Variants in NT5DC4 observed in about 807,000 individuals in gnomAD.
NT5DC4 encodes 5'-nucleotidase domain-containing protein 4.
Under a neutral mutation model 26.6 loss-of-function variants are expected in NT5DC4, and 44 were observed. The observed-to-expected ratio is 1.65, with a 90% CI of 1.30 to 2.13. The LOEUF (loss-of-function observed/expected upper bound fraction) is 2.13. Among genes scored for constraint, NT5DC4 ranks in the 30% most tolerant of loss-of-function variants. NT5DC4 has a pLI of 0.00. For synonymous variants in NT5DC4, 157 were observed against 86.7 expected, an observed-to-expected ratio of 1.81 and a Z score of -4.51; for missense variants, 399 against 228.1, an observed-to-expected ratio of 1.75 and a Z score of -4.83.
chr2:112,719,831 CT>C (rs971346326), upstream of NT5DC4, among the ~76,000 whole-genome samples: 45 of 95,196 alleles, frequency 4.7e-4, no homozygotes, highest in African/African-American at 1.1e-3. Context: ...CTTTCCCTTC[CT>C]TCCTTCCTTC....
chr2:112,741,143 G>C, downstream of NT5DC4: 2 of 661,004 alleles, frequency 3.0e-6, no homozygotes, highest in Non-Finnish European at 5.2e-6. Flanking sequence ...AATAGTGATT[G>C]ATTTGAAGTG....
intron 16 of NT5DC4, among the ~76,000 whole-genome samples, chr2:112,734,934 C>T (rs1173110665): frequency 6.6e-6 from 1 of 152,064 alleles, no homozygotes. Flanking sequence ...AAGTGATCTG[C>T]TCACCTCGGC....
chr2:112,724,146 G>T lies in NT5DC4; in HGVS notation c.789+20G>T. 4.2e-6 allele frequency: 3 copies of T among 716,732 alleles called. No homozygotes were observed. Among genetic ancestry groups the T allele is most frequent in the Non-Finnish European group, 7.8e-6 (3 of 384,896 alleles). 44.4% of individuals were successfully genotyped at this position (716,732 alleles called of 1,614,324 possible). ...AGTGAGGTGAGTGTTGGAGTGTTGC[G>T]TGCACGGCTGGGGTGGGCTGTGCAA... is the stretch of plus-strand genomic sequence containing the variant. On this transcript the variant is annotated intron_variant, in intron 10 of 16. Coordinates refer to ENST00000688554, the MANE Select transcript of NT5DC4 (RefSeq NM_001393655.1).
chr2:112,734,183 G>A (rs1177824375), intron 16 of NT5DC4, among the ~76,000 whole-genome samples: 4 of 151,920 alleles, frequency 2.6e-5, no homozygotes, highest in East Asian at 3.9e-4. Context: ...GTGTGTGTGT[G>A]TGTGTGTGTG....
chr2:112,736,868 C>T (rs1679255952), intron 16 of NT5DC4: 1 of 152,086 alleles, frequency 6.6e-6, no homozygotes, highest in South Asian at 2.1e-4. Context: ...CACATCTTGG[C>T]TATTGAGAAT....
chr2:112,722,525 C>G lies in NT5DC4; in HGVS notation c.405C>G (p.Ser135Arg). The G allele has an allele frequency of 1.4e-6, 1 of 717,444 alleles. No homozygotes were observed. Among genetic ancestry groups the G allele is most frequent in the Admixed American group, 2.0e-5 (1 of 50,022 alleles). The allele number at this position is 717,444 out of a possible 1,614,324, so 44.4% of individuals were successfully genotyped here. ...CAGAGATCTGGAGCTTCTACCCCAGCAAGTTCATTCAGAGGGACGACCTGC... is the reference window on the plus strand; with the variant it reads ...CAGAGATCTGGAGCTTCTACCCCAGGAAGTTCATTCAGAGGGACGACCTGC... ...LRAEIWSFYP[S>R]KFIQRDDLQC... Residue 135 changes from serine (S) to arginine (R), a missense_variant, in exon 5 of 17, where the codon AGC becomes AGG. Physicochemically the swap from Ser to Arg is moderately radical, Grantham distance 110 (BLOSUM62 -1). Coordinates refer to ENST00000688554, the MANE Select transcript of NT5DC4 (RefSeq NM_001393655.1).
Position 112,724,152 on chromosome 2 carries a change from G to A in NT5DC4, c.789+26G>A, listed in dbSNP as rs550280301. 633 of 717,032 alleles carry A rather than the reference G, an allele frequency of 8.8e-4. 3 individuals are homozygous for A. In the African/African-American group the frequency reaches 9.4e-3, roughly 11 times the overall value. 44.4% of individuals were successfully genotyped at this position (717,032 alleles called of 1,614,324 possible). The stretch of plus-strand genomic sequence containing the variant: ...GTGAGTGTTGGAGTGTTGCGTGCAC[G>A]GCTGGGGTGGGCTGTGCAAAGGGCC... On this transcript the variant is annotated intron_variant, in intron 10 of 16. Transcript: ENST00000688554.
chr2:112,741,875 C>T (rs1679990651), downstream of NT5DC4, among the ~76,000 whole-genome samples: 1 of 151,622 alleles, frequency 6.6e-6, no homozygotes, highest in Admixed American at 6.6e-5. Flanking sequence ...ATTCTCCTGC[C>T]TCAGCCTCCT....
chr2:112,724,678 G>C, intron 10 of NT5DC4, 103 bp from the exon 11 acceptor site: 1 of 673,122 alleles, frequency 1.5e-6, no homozygotes, highest in Non-Finnish European at 2.8e-6. Flanking sequence ...GTCTCATCCA[G>C]CTGGGAGGTT....
intron 16 of NT5DC4, chr2:112,736,995 T>C (rs1409730050): frequency 6.6e-6 from 1 of 152,148 alleles, no homozygotes; most frequent in Admixed American, 6.5e-5. Context: ...GACGCAATTT[T>C]GGCTCACTGC....
chr2:112,724,557 C>G (rs374049694), intron 10 of NT5DC4: 1 of 588,328 alleles, frequency 1.7e-6, no homozygotes, highest in East Asian at 2.8e-5. Context: ...TGGCCTGAGG[C>G]TGCACATGAT....
At chr2:112,738,054 C>G (rs950830795) in intron 16 of NT5DC4, 2 of 152,206 alleles carry the variant, frequency 1.3e-5, no homozygotes, top group African/African-American at 4.8e-5. Context: ...GGGGCTTGCA[C>G]TGCCTTCTCA....
rs1676901487 is a variant in NT5DC4, at chr2:112,721,819, A to G, written c.76A>G (p.Ile26Val). ...CAACATCCTCCTCTCTCTCCCCAGG[A>G]TTTTTGTCAACCGCAGCCTGGCGCT... Reference protein sequence around the residue: ...QGPKQDWHQRIFVNRSLALGK... With the variant: ...QGPKQDWHQRVFVNRSLALGK... The change falls in exon 2 of 17, where the codon ATT becomes GTT. Residue 26 changes from isoleucine (I) to valine (V), a missense_variant and splice_region_variant. Ile to Val is a conservative substitution (Grantham distance 29). Coordinates refer to ENST00000688554, the MANE Select transcript of NT5DC4 (RefSeq NM_001393655.1). 2.8e-6 allele frequency: 2 copies of G among 717,128 alleles called. No individual in the cohort carries two copies. Among genetic ancestry groups the G allele is most frequent in the Non-Finnish European group, 5.2e-6 (2 of 385,068 alleles). 44.4% of individuals were successfully genotyped at this position (717,128 alleles called of 1,614,324 possible). A position where few individuals can be genotyped will look rare whatever the true frequency, so the allele number is the denominator to read the frequency against.
At chr2:112,736,793 T>C (rs1679242326) in intron 16 of NT5DC4, 1 of 152,370 alleles carries the variant, frequency 6.6e-6, no homozygotes, top group South Asian at 2.1e-4. Context: ...GGATGAATAC[T>C]ATTCCACGGC....
At chr2:112,742,735 A>T (rs757447326), downstream of NT5DC4, 1 of 1,608,912 alleles carries the variant, frequency 6.2e-7, no homozygotes, top group Admixed American at 1.7e-5. Flanking sequence ...GTCTTGCAAG[A>T]TATTAAGAAC....
chr2:112,734,574 C>A (rs1234875742), intron 16 of NT5DC4, among the ~76,000 whole-genome samples: 1 of 152,194 alleles, frequency 6.6e-6, no homozygotes, highest in Non-Finnish European at 1.5e-5. Flanking sequence ...ATGCCACTGG[C>A]CAGGGAGATG....
chr2:112,738,906 C>T lies in NT5DC4; in HGVS notation c.1345-7C>T. 1 of 1,614,144 alleles carries T rather than the reference C, an allele frequency of 6.2e-7. No individual in the cohort carries two copies. Among genetic ancestry groups the T allele is most frequent in the Non-Finnish European group, 8.5e-7 (1 of 1,179,992 alleles). On this transcript the variant is annotated splice_polypyrimidine_tract_variant and splice_region_variant and intron_variant, in intron 16 of 16. Transcript: ENST00000688554. ...ATAAAACATTTTGTTTCTTCCACTT[C>T]TAACAGTTCATCAAGAGAAGCCACT...
At position 112,734,889 on chromosome 2, in the gene NT5DC4, T is replaced by G. The variant is rs1198498118; in HGVS notation, c.1345-4024T>G. Among the ~76,000 whole-genome samples the G allele has an allele frequency of 2.0e-5, 3 of 152,060 alleles. No homozygotes were observed. The East Asian group carries it at 5.8e-4, about 30-fold the overall frequency. On this transcript the variant is annotated intron_variant, in intron 16 of 16. Coordinates refer to ENST00000688554, the MANE Select transcript of NT5DC4 (RefSeq NM_001393655.1). The stretch of plus-strand genomic sequence containing the variant: ...ATTTTTAGTAGAGACAGGGTTTCAC[T>G]ACGTTGGCCAGGCTGGTCTTGAACT...
At chr2:112,719,992 C>CTTTCTTTCT (rs1558715793), upstream of NT5DC4, among the ~76,000 whole-genome samples, 74 of 60,300 alleles carry the variant, frequency 1.2e-3, no homozygotes, top group African/African-American at 4.2e-3. Flanking sequence ...CTTTCTTTTT[C>CTTTCTTTCT]TTTTCTTTTC....
Sources: allele counts gnomAD v4.1 joint callset (sites outside exome capture counted in the v4.1 genomes callset), GRCh38; gene constraint gnomAD v4.1.1; transcripts MANE v1.5; gene names NCBI Gene and HGNC (gene_info 2026-07-23, HGNC 2026-07-21).